Variants in ANK3 observed in about 807,000 individuals in gnomAD.
ANK3 encodes ankyrin-3.
In ANK3, 57 loss-of-function variants were observed where a neutral mutation model predicts 370.9. The ratio of observed to expected loss-of-function variants is 0.15; its 90% CI spans 0.12 to 0.19. ANK3 has a LOEUF of 0.19. Among genes scored for constraint, ANK3 ranks in the 10% least tolerant of loss-of-function variants. The probability of loss-of-function intolerance (pLI) is 1.00; values close to 1 mark genes in which losing one functional copy is unlikely to be tolerated. For missense variants in ANK3, 4,439 were observed against 5,302.1 expected, an observed-to-expected ratio of 0.84 and a Z score of 5.06; for synonymous variants, 1,929 against 1,946.3, an observed-to-expected ratio of 0.99 and a Z score of 0.23.
intron 2 of ANK3, among the ~76,000 whole-genome samples, chr10:60,469,960 C>G (rs1458765727): frequency 6.6e-6 from 1 of 151,868 alleles, no homozygotes; most frequent in South Asian, 2.1e-4. Flanking sequence ...AAGATAACTT[C>G]TATAATAATC....
At chr10:60,167,768 A>C (rs1279918248) in intron 21 of ANK3, among the ~76,000 whole-genome samples, 1 of 152,166 alleles carries the variant, frequency 6.6e-6, no homozygotes, top group Non-Finnish European at 1.5e-5. Context: ...GGTTGTTAAA[A>C]CTAAAAAAAG....
At chr10:60,112,761 GAAGT>G (rs1397142593) in intron 26 of ANK3, among the ~76,000 whole-genome samples, 1 of 152,138 alleles carries the variant, frequency 6.6e-6, no homozygotes, top group Non-Finnish European at 1.5e-5. Flanking sequence ...TACACGACAA[GAAGT>G]AAGTAAACGT....
At chr10:60,330,160 T>C (rs754062587) in intron 1 of ANK3, among the ~76,000 whole-genome samples, 10 of 152,162 alleles carry the variant, frequency 6.6e-5, no homozygotes, top group Non-Finnish European at 1.3e-4. Flanking sequence ...GACTGAAACG[T>C]AAGACCTAAA....
chr10:60,138,117 A>C (rs1031732518), intron 24 of ANK3, among the ~76,000 whole-genome samples: 1 of 152,146 alleles, frequency 6.6e-6, no homozygotes, highest in Non-Finnish European at 1.5e-5. Flanking sequence ...CACCAACTAC[A>C]CTGAGAATAA....
At chr10:60,082,871 A>T (rs1466967202) in intron 33 of ANK3, 134 bp from the exon 34 acceptor site, 9 of 1,051,630 alleles carry the variant, frequency 8.6e-6, no homozygotes, top group African/African-American at 1.6e-5. Flanking sequence ...GATGATGATT[A>T]CGATTATGCA....
chr10:60,657,945 CTG>C (rs2078887438), intron 1 of ANK3, among the ~76,000 whole-genome samples: 1 of 150,650 alleles, frequency 6.6e-6, no homozygotes, highest in Non-Finnish European at 1.5e-5. Flanking sequence ...CTTATTTTGA[CTG>C]TTTCATTATT....
chr10:60,198,574 G>A lies in ANK3; in HGVS notation c.1492-37C>T, dbSNP rs375334382. On this transcript the variant is annotated intron_variant, in intron 13 of 43. Coordinates refer to ENST00000280772, the MANE Select transcript of ANK3 (RefSeq NM_020987.5). ...GGTAGAAATGTAAGGCTGATGAGCTGAGGAAACAATGGTGCCTTTATGAAA... is the reference window on the plus strand; with the variant it reads ...GGTAGAAATGTAAGGCTGATGAGCTAAGGAAACAATGGTGCCTTTATGAAA... 2.2e-5 allele frequency: 35 copies of A among 1,587,914 alleles called. No homozygotes were observed. The African/African-American group carries it at 4.7e-4, about 21-fold the overall frequency.
At chr10:60,419,879 G>A (rs1388787002) in intron 2 of ANK3, among the ~76,000 whole-genome samples, 1 of 152,050 alleles carries the variant, frequency 6.6e-6, no homozygotes, top group African/African-American at 2.4e-5. Context: ...ACCTCTCTGG[G>A]CCTTGCTTTT....
rs568515869 is a variant in ANK3, at chr10:60,086,703, T to G, written c.3722A>C (p.Asn1241Thr). Residue 1241 changes from asparagine to threonine, a missense_variant, in exon 30 of 44, where the codon AAT (asparagine) becomes ACT (threonine). Around this residue, in one of 13 missense-constraint regions of ANK3, gnomAD observed 702 missense variants for 941.5 expected, o/e 0.75. Transcript: ENST00000280772. ...TGTAATGCTACAGAGAAGACGCAGA[T>G]TGGGTGTAGTGTCCCCTTTGTATCC... Reference protein sequence around the residue: ...SNGYKGDTTPNLRLLCSITGG... With the variant: ...SNGYKGDTTPTLRLLCSITGG... 9.3e-6 allele frequency: 15 copies of G among 1,613,616 alleles called. No individual in the cohort carries two copies. The highest frequency in any genetic ancestry group is 1.3e-5 in the Non-Finnish European group (15 of 1,179,838).
chr10:60,166,106 G>A (rs538787588), intron 23 of ANK3, among the ~76,000 whole-genome samples: 7 of 148,564 alleles, frequency 4.7e-5, no homozygotes, highest in Non-Finnish European at 3.0e-5. Context: ...TATTTCAAAA[G>A]TTTTTTTTTT....
intron 2 of ANK3, among the ~76,000 whole-genome samples, chr10:60,503,755 G>C (rs2075864483): frequency 6.6e-6 from 1 of 152,116 alleles, no homozygotes; most frequent in Non-Finnish European, 1.5e-5. Flanking sequence ...AACAGAATTT[G>C]GTCTTTACAA....
chr10:60,401,553 A>T (rs2063352416), intron 2 of ANK3, among the ~76,000 whole-genome samples: 1 of 152,192 alleles, frequency 6.6e-6, no homozygotes, highest in East Asian at 1.9e-4. Context: ...GCATCTCTTT[A>T]TGTTTATATG....
At chr10:60,660,201 C>T (rs1366803790) in intron 1 of ANK3, among the ~76,000 whole-genome samples, 2 of 152,088 alleles carry the variant, frequency 1.3e-5, no homozygotes, top group East Asian at 3.9e-4. Context: ...ATTCAACGTC[C>T]TATTCACTGA....
At chr10:60,498,072 T>A (rs992124785) in intron 2 of ANK3, among the ~76,000 whole-genome samples, 1 of 152,194 alleles carries the variant, frequency 6.6e-6, no homozygotes, top group African/African-American at 2.4e-5. Context: ...TCTGTTCTCA[T>A]ACAAGGTTTT....
At chr10:60,552,754 T>G (rs1892544) in intron 2 of ANK3, among the ~76,000 whole-genome samples, 88,427 of 151,806 alleles carry the variant, frequency 0.58, 26,173 homozygotes, top group East Asian at 0.78. Flanking sequence ...CTTGGCTATG[T>G]CCCCACCAAA....
chr10:60,540,095 C>T (rs1391003297), intron 2 of ANK3, among the ~76,000 whole-genome samples: 1 of 151,824 alleles, frequency 6.6e-6, no homozygotes, highest in Non-Finnish European at 1.5e-5. Flanking sequence ...CACCTTCATT[C>T]CCTAACTATA....
At chr10:60,409,518 A>G (rs1265323318) in intron 2 of ANK3, among the ~76,000 whole-genome samples, 1 of 152,230 alleles carries the variant, frequency 6.6e-6, no homozygotes, top group Non-Finnish European at 1.5e-5. Context: ...TTTTTAAAAA[A>G]AGAAAATGAA....
At chr10:60,346,274 C>A (rs1385640154) in intron 1 of ANK3, among the ~76,000 whole-genome samples, 1 of 147,532 alleles carries the variant, frequency 6.8e-6, no homozygotes, top group East Asian at 2.0e-4. Flanking sequence ...GAATATGTAA[C>A]AGTTCTATAT....
At chr10:60,583,465 GAAC>G (rs1462303986) in intron 2 of ANK3, among the ~76,000 whole-genome samples, 4 of 150,628 alleles carry the variant, frequency 2.7e-5, no homozygotes, top group African/African-American at 9.8e-5. Context: ...TTAGAGCTAA[GAAC>G]AATGTATTAT....
Sources: gnomAD v4.1 joint callset for allele counts (sites outside exome capture counted in the v4.1 genomes callset) on GRCh38, gnomAD v4.1.1 for gene constraint, gnomAD v4.1.1 regional missense constraint, MANE v1.5 for transcripts, NCBI Gene and HGNC (gene_info 2026-07-23, HGNC 2026-07-21) for gene names.